The following NOPCHAP1 variants were observed in gnomAD, a reference collection of about 807,000 sequenced individuals.
The protein encoded by NOPCHAP1 is DNA damage-sensitive RNA 1.
A neutral mutation model predicts 14.0 loss-of-function variants in NOPCHAP1; 13 were observed. The observed-to-expected ratio is 0.93, with a 90% CI of 0.60 to 1.47. The LOEUF (loss-of-function observed/expected upper bound fraction) is 1.47. NOPCHAP1 is among the 40% of genes most tolerant of loss of function. The pLI is 0.00. For missense variants in NOPCHAP1, 230 were observed against 226.9 expected (o/e 1.01, Z -0.09); for synonymous variants, 78 against 78.4 (o/e 1.00, Z 0.03).
intron 1 of NOPCHAP1, 88 bp from the exon 2 acceptor site, chr12:104,988,079 A>C (rs1873281821): frequency 1.7e-5 from 18 of 1,055,070 alleles, no homozygotes; most frequent in Middle Eastern, 2.9e-4. Flanking sequence ...GTCAAGTCTT[A>C]AGACTGGTCA....
chr12:105,008,305 G>C lies in NOPCHAP1; in HGVS notation c.*13609G>C, dbSNP rs944484528. ...GTCTTCTTTTGAGAAGTGTCTGTTC[G>C]TATCCTTCGCCCACTTTTTGATGGG... On this transcript the variant is annotated 3_prime_UTR_variant, in exon 4 of 4. Transcript: ENST00000552951. The C allele has an allele frequency of 6.6e-6, 1 of 152,090 alleles. No individual in the cohort carries two copies. The highest frequency in any genetic ancestry group is 2.1e-4 in the South Asian group (1 of 4,828). 9.4% of individuals were successfully genotyped at this position (152,090 alleles called of 1,614,324 possible).
Position 104,996,610 on chromosome 12 carries a change from CAT to C in NOPCHAP1, c.*1915_*1916del, listed in dbSNP as rs1873506755. 6.6e-6 allele frequency: 1 copy of C among 152,154 alleles called. No homozygotes were observed. 9.4% of individuals were successfully genotyped at this position (152,154 alleles called of 1,614,324 possible). ...TTTAGCTCCCACTAATAAGTGAGAA[CAT>C]GTGGTATTTTTCTGTTCCTGTGTTG... On this transcript the variant is annotated 3_prime_UTR_variant, in exon 4 of 4. Transcript: ENST00000552951.
chr12:105,005,881 T>G lies in NOPCHAP1; in HGVS notation c.*11185T>G, dbSNP rs1873697982. On this transcript the variant is annotated 3_prime_UTR_variant, in exon 4 of 4. Coordinates refer to ENST00000552951, the MANE Select transcript of NOPCHAP1 (RefSeq NM_152318.3). ...AGAAGTCAAAAGCAACCTTGAATGA[T>G]CAGAACCCTTCTGCCAGATTGTCTA... 1 of 152,250 alleles carries G rather than the reference T, an allele frequency of 6.6e-6. No homozygotes were observed. The highest frequency in any genetic ancestry group is 2.4e-5 in the African/African-American group (1 of 41,468). The allele number at this position is 152,250 out of a possible 1,614,324, so 9.4% of individuals were successfully genotyped here.
rs1281759863 is a variant in NOPCHAP1, at chr12:105,015,204, A to G, written c.*20508A>G. ...TTTTTTCAGCTGGAAAGAGTACACC[A>G]GAACTGTACACAGCCGTGATGAGTT... On this transcript the variant is annotated 3_prime_UTR_variant, in exon 4 of 4. Transcript: ENST00000552951. 1.3e-5 allele frequency: 2 copies of G among 152,236 alleles called. No individual in the cohort carries two copies. The highest frequency in any genetic ancestry group is 2.9e-5 in the Non-Finnish European group (2 of 68,034). 9.4% of individuals were successfully genotyped at this position (152,236 alleles called of 1,614,324 possible).
chr12:104,994,347 CA>C (rs549045387), intron 3 of NOPCHAP1, 130 bp from the exon 4 acceptor site: 23 of 887,696 alleles, frequency 2.6e-5, no homozygotes, highest in Admixed American at 4.0e-5. Flanking sequence ...ACTCTGTCTC[CA>C]AAAAAAACCA....
rs1873659458 is a variant in NOPCHAP1 at position 105,003,912 on chromosome 12, G to A, written c.*9216G>A. 6.6e-6 allele frequency: 1 copy of A among 152,110 alleles called. No individual in the cohort carries two copies. The highest frequency in any genetic ancestry group is 2.4e-5 in the African/African-American group (1 of 41,420). 9.4% of individuals were successfully genotyped at this position (152,110 alleles called of 1,614,324 possible). A position where few individuals can be genotyped will look rare whatever the true frequency, so the allele number is the denominator to read the frequency against. On this transcript the variant is annotated 3_prime_UTR_variant, in exon 4 of 4. Transcript: ENST00000552951. ...GGCTGAAGCTCACCTGTTTCTGTCT[G>A]GCTTAAACCTAGCTATTCGTTACAA...
rs549991623 is a variant in NOPCHAP1, at chr12:104,997,781, A to G, written c.*3085A>G. On this transcript the variant is annotated 3_prime_UTR_variant, in exon 4 of 4. Transcript: ENST00000552951. ...GGTTGGGGAAGTTTTCATCAGCGAT[A>G]TCCTGAAATATGTTTTCAAAGTTGC... The G allele has an allele frequency of 6.6e-6, 1 of 152,336 alleles. No individual in the cohort carries two copies. The highest frequency in any genetic ancestry group is 2.4e-5 in the African/African-American group (1 of 41,576). The allele number at this position is 152,336 out of a possible 1,614,324, so 9.4% of individuals were successfully genotyped here.
chr12:104,986,832 G>C (rs549940314), intron 1 of NOPCHAP1, among the ~76,000 whole-genome samples: 35 of 151,934 alleles, frequency 2.3e-4, no homozygotes, highest in Admixed American at 8.5e-4. Context: ...CGGAGCAGTT[G>C]GCTGATAGGG....
chr12:104,998,635 C>T lies in NOPCHAP1; in HGVS notation c.*3939C>T, dbSNP rs1434495446. The T allele has an allele frequency of 6.6e-6, 1 of 152,400 alleles. No individual in the cohort carries two copies. The highest frequency in any genetic ancestry group is 2.4e-5 in the African/African-American group (1 of 41,462). The allele number at this position is 152,400 out of a possible 1,614,324, so 9.4% of individuals were successfully genotyped here. On this transcript the variant is annotated 3_prime_UTR_variant, in exon 4 of 4. Coordinates refer to ENST00000552951, the MANE Select transcript of NOPCHAP1 (RefSeq NM_152318.3). ...GCCAAAGTGCTTTGTATGGCAGTGG[C>T]AGTGGGATCTGTCCTCATATGCACA...
In NOPCHAP1 at chr12:105,012,591, CT is replaced by C; in HGVS notation, c.*17900del. The C allele has an allele frequency of 6.6e-6, 1 of 152,296 alleles. No individual in the cohort carries two copies. Among genetic ancestry groups the C allele is most frequent in the Non-Finnish European group, 1.5e-5 (1 of 68,026 alleles). 9.4% of individuals were successfully genotyped at this position (152,296 alleles called of 1,614,324 possible). A position where few individuals can be genotyped will look rare whatever the true frequency, so the allele number is the denominator to read the frequency against. On this transcript the variant is annotated 3_prime_UTR_variant, in exon 4 of 4. Coordinates refer to ENST00000552951, the MANE Select transcript of NOPCHAP1 (RefSeq NM_152318.3). The stretch of plus-strand genomic sequence containing the variant: ...TGTTCTGGTTTTTGGAATTTTCAGC[CT>C]TTTTGCGCTGGGTTTTCCTCATCTT...
Position 105,004,827 on chromosome 12 carries a change from T to C in NOPCHAP1, c.*10131T>C, listed in dbSNP as rs1873675158. 3.3e-5 allele frequency: 5 copies of C among 152,306 alleles called. No individual in the cohort carries two copies. The South Asian group carries it at 1.0e-3, about 32-fold the overall frequency. The allele number at this position is 152,306 out of a possible 1,614,324, so 9.4% of individuals were successfully genotyped here. A position where few individuals can be genotyped will look rare whatever the true frequency, so the allele number is the denominator to read the frequency against. Reference sequence around the variant, plus strand: ...TTTGACTCCCTGAAAACTTAACTACTAATAGCCTACTATTGACTAGAAGCC... The same window carrying C: ...TTTGACTCCCTGAAAACTTAACTACCAATAGCCTACTATTGACTAGAAGCC... On this transcript the variant is annotated 3_prime_UTR_variant, in exon 4 of 4. Coordinates refer to ENST00000552951, the MANE Select transcript of NOPCHAP1 (RefSeq NM_152318.3).
Position 105,014,449 on chromosome 12 carries a change from T to G in NOPCHAP1, c.*19753T>G, listed in dbSNP as rs1241731774. 1 of 152,208 alleles carries G rather than the reference T, an allele frequency of 6.6e-6. No homozygotes were observed. The highest frequency in any genetic ancestry group is 1.5e-5 in the Non-Finnish European group (1 of 68,038). The allele number at this position is 152,208 out of a possible 1,614,324, so 9.4% of individuals were successfully genotyped here. A position where few individuals can be genotyped will look rare whatever the true frequency, so the allele number is the denominator to read the frequency against. ...ATGTTAAAAATATATTTATTGAAAA[T>G]AATCCATGTATAAGTGGACCCACAC... is the stretch of plus-strand genomic sequence containing the variant. On this transcript the variant is annotated 3_prime_UTR_variant, in exon 4 of 4. Coordinates refer to ENST00000552951, the MANE Select transcript of NOPCHAP1 (RefSeq NM_152318.3).
intron 3 of NOPCHAP1, among the ~76,000 whole-genome samples, chr12:104,992,247 AG>A (rs1390591998): frequency 6.6e-6 from 1 of 152,172 alleles, no homozygotes; most frequent in African/African-American, 2.4e-5. Flanking sequence ...TTGTTTCTGC[AG>A]TGGAATTCCG....
chr12:104,993,069 T>C (rs1029773559), intron 3 of NOPCHAP1, among the ~76,000 whole-genome samples: 11 of 152,204 alleles, frequency 7.2e-5, no homozygotes, highest in African/African-American at 2.7e-4. Context: ...TCTGTTTCTT[T>C]TCAGTCGTCA....
rs564427212 is a variant in NOPCHAP1 at position 105,008,069 on chromosome 12, T to G, written c.*13373T>G. Reference sequence around the variant, plus strand: ...TTTCTAGTTCTAGATCCTTGAGGAATTGCCACACTGTCTTCCACAATGGTT... The same window carrying G: ...TTTCTAGTTCTAGATCCTTGAGGAAGTGCCACACTGTCTTCCACAATGGTT... On this transcript the variant is annotated 3_prime_UTR_variant, in exon 4 of 4. Coordinates refer to ENST00000552951, the MANE Select transcript of NOPCHAP1 (RefSeq NM_152318.3). The G allele has an allele frequency of 6.6e-6, 1 of 152,340 alleles. No homozygotes were observed. Among genetic ancestry groups the G allele is most frequent in the South Asian group, 2.1e-4 (1 of 4,826 alleles). 9.4% of individuals were successfully genotyped at this position (152,340 alleles called of 1,614,324 possible).
Position 105,003,405 on chromosome 12 carries a change from T to C in NOPCHAP1, c.*8709T>C, listed in dbSNP as rs778853430. 4.6e-5 allele frequency: 7 copies of C among 152,226 alleles called. No homozygotes were observed. Among genetic ancestry groups the C allele is most frequent in the Non-Finnish European group, 8.8e-5 (6 of 68,042 alleles). 9.4% of individuals were successfully genotyped at this position (152,226 alleles called of 1,614,324 possible). ...TGATTCCCTGTCTTCTTGTGACTTA[T>C]CATAGGCCTTCTACTGGACCCAGTC... On this transcript the variant is annotated 3_prime_UTR_variant, in exon 4 of 4. Coordinates refer to ENST00000552951, the MANE Select transcript of NOPCHAP1 (RefSeq NM_152318.3).
In NOPCHAP1 at chr12:105,016,089, A is replaced by G. The variant is rs2136035490; in HGVS notation, c.*21393A>G. The G allele has an allele frequency of 6.6e-6, 1 of 152,326 alleles. No homozygotes were observed. The highest frequency in any genetic ancestry group is 1.9e-4 in the East Asian group (1 of 5,190). The allele number at this position is 152,326 out of a possible 1,614,324, so 9.4% of individuals were successfully genotyped here. A position where few individuals can be genotyped will look rare whatever the true frequency, so the allele number is the denominator to read the frequency against. Reference sequence around the variant, plus strand: ...AAATATTAAAAACTAGTGTGTTGCAAATAAATTCAAAAGATAAGGGAAATA... The same window carrying G: ...AAATATTAAAAACTAGTGTGTTGCAGATAAATTCAAAAGATAAGGGAAATA... On this transcript the variant is annotated 3_prime_UTR_variant, in exon 4 of 4. Coordinates refer to ENST00000552951, the MANE Select transcript of NOPCHAP1 (RefSeq NM_152318.3).
rs565302451 is a variant in NOPCHAP1 at position 105,009,508 on chromosome 12, G to A, written c.*14812G>A. The A allele has an allele frequency of 6.6e-6, 1 of 152,274 alleles. No homozygotes were observed. Among genetic ancestry groups the A allele is most frequent in the Admixed American group, 6.5e-5 (1 of 15,288 alleles). 9.4% of individuals were successfully genotyped at this position (152,274 alleles called of 1,614,324 possible). A position where few individuals can be genotyped will look rare whatever the true frequency, so the allele number is the denominator to read the frequency against. ...AGAACTTCCAATACTATGTTGAATA[G>A]GAGTGGTGAGAGAGGGCATCCTTGT... is the stretch of plus-strand genomic sequence containing the variant. On this transcript the variant is annotated 3_prime_UTR_variant, in exon 4 of 4. Coordinates refer to ENST00000552951, the MANE Select transcript of NOPCHAP1 (RefSeq NM_152318.3).
rs1365254869 is a variant in NOPCHAP1, at chr12:105,008,092, G to A, written c.*13396G>A. 6.6e-6 allele frequency: 1 copy of A among 152,166 alleles called. No homozygotes were observed. Among genetic ancestry groups the A allele is most frequent in the Non-Finnish European group, 1.5e-5 (1 of 68,028 alleles). 9.4% of individuals were successfully genotyped at this position (152,166 alleles called of 1,614,324 possible). A position where few individuals can be genotyped will look rare whatever the true frequency, so the allele number is the denominator to read the frequency against. On this transcript the variant is annotated 3_prime_UTR_variant, in exon 4 of 4. Coordinates refer to ENST00000552951, the MANE Select transcript of NOPCHAP1 (RefSeq NM_152318.3). ...AATTGCCACACTGTCTTCCACAATG[G>A]TTGAACTAATTTACAATCCCACCAA...
Sources: allele counts gnomAD v4.1 joint callset (sites outside exome capture counted in the v4.1 genomes callset), GRCh38; gene constraint gnomAD v4.1.1; transcripts MANE v1.5; gene names NCBI Gene and HGNC (gene_info 2026-07-23, HGNC 2026-07-21).